The following TNRC18 variants were observed in gnomAD, a reference collection of about 807,000 sequenced individuals.
TNRC18 encodes the protein trinucleotide repeat containing 18, also known as trinucleotide repeat-containing gene 18 protein.
Under a neutral mutation model 226.7 loss-of-function variants are expected in TNRC18, and 69 were observed. The ratio of observed to expected loss-of-function variants is 0.30; its 90% CI spans 0.25 to 0.37. TNRC18 has a LOEUF of 0.37. Among genes scored for constraint, TNRC18 ranks in the 10% least tolerant of loss-of-function variants. TNRC18 has a pLI of 1.00. For missense variants in TNRC18, 4,754 were observed against 4,256.6 expected (o/e 1.12, Z -3.25); for synonymous variants, 2,449 against 1,927.6 (o/e 1.27, Z -7.09).
chr7:5,422,063 C>A (rs1245928311), intron 1 of TNRC18, among the ~76,000 whole-genome samples: 4 of 151,990 alleles, frequency 2.6e-5, no homozygotes, highest in Admixed American at 2.0e-4. Flanking sequence ...GGGTCCAAAG[C>A]GGGTTTATTA....
chr7:5,386,731 C>G (rs891258034), intron 5 of TNRC18, among the ~76,000 whole-genome samples: 1 of 152,102 alleles, frequency 6.6e-6, no homozygotes, highest in Non-Finnish European at 1.5e-5. Flanking sequence ...CCCTGGGTAA[C>G]AGAGCAAGAC....
At chr7:5,386,070 T>G (rs1028073422) in intron 5 of TNRC18, among the ~76,000 whole-genome samples, 2 of 150,802 alleles carry the variant, frequency 1.3e-5, no homozygotes, top group Non-Finnish European at 2.9e-5. Context: ...GTGGATCACT[T>G]GAGGTCAGGA....
chr7:5,308,001 A>C lies in TNRC18; in HGVS notation c.*105T>G, dbSNP rs1470122310. On this transcript the variant is annotated 3_prime_UTR_variant, in exon 30 of 30. Coordinates refer to ENST00000430969, the MANE Select transcript of TNRC18 (RefSeq NM_001080495.3). ...CTGGCCCCATGCACACGCCTGCAGG[A>C]GCGCTCGCATGCACACAACGCACGT... is the stretch of plus-strand genomic sequence containing the variant. The C allele has an allele frequency of 9.4e-7, 1 of 1,064,220 alleles. No individual in the cohort carries two copies. Among genetic ancestry groups the C allele is most frequent in the African/African-American group, 1.6e-5 (1 of 63,416 alleles). 65.9% of individuals were successfully genotyped at this position (1,064,220 alleles called of 1,614,324 possible). A position where few individuals can be genotyped will look rare whatever the true frequency, so the allele number is the denominator to read the frequency against.
chr7:5,310,595 C>G (rs997843306), intron 27 of TNRC18, among the ~76,000 whole-genome samples: 1 of 151,794 alleles, frequency 6.6e-6, no homozygotes, highest in African/African-American at 2.4e-5. Flanking sequence ...AGTGTAGTGG[C>G]ACAATCACAG....
At chr7:5,317,205 C>T (rs1221716083) in intron 24 of TNRC18, among the ~76,000 whole-genome samples, 2 of 152,002 alleles carry the variant, frequency 1.3e-5, no homozygotes, top group African/African-American at 4.8e-5. Flanking sequence ...CATTCAGGGT[C>T]CCCAGACGCC....
At position 5,377,296 on chromosome 7, in the gene TNRC18, T is replaced by C; in HGVS notation, c.2461+75A>G. Reference sequence around the variant, plus strand: ...GGAAACGGCAGGCAGGAGCCAGCCCTGAGCTCTTGTCCTGCACCCGCCCCC... The same window carrying C: ...GGAAACGGCAGGCAGGAGCCAGCCCCGAGCTCTTGTCCTGCACCCGCCCCC... On this transcript the variant is annotated intron_variant, in intron 7 of 29. Coordinates refer to ENST00000430969, the MANE Select transcript of TNRC18 (RefSeq NM_001080495.3). This position sits in a 1 kb window ranked among gnomAD's most constrained non-coding sequence, Gnocchi z 5.8. 1 of 1,402,130 alleles carries C rather than the reference T, an allele frequency of 7.1e-7. No homozygotes were observed. Among genetic ancestry groups the C allele is most frequent in the Non-Finnish European group, 9.5e-7 (1 of 1,053,514 alleles). 86.9% of individuals were successfully genotyped at this position (1,402,130 alleles called of 1,614,324 possible). A position where few individuals can be genotyped will look rare whatever the true frequency, so the allele number is the denominator to read the frequency against.
intron 18 of TNRC18, among the ~76,000 whole-genome samples, chr7:5,335,324 A>AAAAC (rs35906322): frequency 7.3e-6 from 1 of 136,886 alleles, no homozygotes; most frequent in Non-Finnish European, 1.6e-5. Context: ...AAAAAAAAAA[A>AAAAC]TTTGGCCAGG....
At chr7:5,362,066 G>A (rs1387829787) in intron 12 of TNRC18, 33 bp from the exon 13 acceptor site, 4 of 1,606,932 alleles carry the variant, frequency 2.5e-6, no homozygotes, top group Admixed American at 3.4e-5. Flanking sequence ...AGGAGGGGGT[G>A]AGGATGCCAC....
intron 11 of TNRC18, 86 bp from the exon 12 acceptor site, chr7:5,362,911 G>A: frequency 1.5e-6 from 2 of 1,361,986 alleles, no homozygotes; most frequent in Non-Finnish European, 1.9e-6. Flanking sequence ...AGCAAGCGCA[G>A]GCCCCAGGCC....
intron 19 of TNRC18, among the ~76,000 whole-genome samples, chr7:5,327,827 G>C (rs1403384653): frequency 6.6e-6 from 1 of 152,122 alleles, no homozygotes; most frequent in African/African-American, 2.4e-5. Flanking sequence ...TGCCTGCTTT[G>C]GTAACTATGA....
rs1779315644 is a variant in TNRC18, at chr7:5,380,378, G to A, written c.2153-2354C>T. Among the ~76,000 whole-genome samples the A allele has an allele frequency of 3.3e-5, 5 of 152,208 alleles. No individual in the cohort carries two copies. The South Asian group carries it at 1.0e-3, about 32-fold the overall frequency. On this transcript the variant is annotated intron_variant, in intron 5 of 29. Transcript: ENST00000430969. ...GGAGGATGGCTTGAGCCCAGGAGGT[G>A]GAGACTGCAGTGAGCTGTGATTACA...
At chr7:5,326,876 G>C (rs1277407805) in intron 19 of TNRC18, among the ~76,000 whole-genome samples, 6 of 151,122 alleles carry the variant, frequency 4.0e-5, no homozygotes, top group Non-Finnish European at 7.4e-5. Context: ...TGTAATCCCA[G>C]CACTTTGGGA....
Position 5,307,946 on chromosome 7 carries a change from A to G in TNRC18, c.*160T>C. 3.1e-6 allele frequency: 2 copies of G among 655,088 alleles called. No individual in the cohort carries two copies. The highest frequency in any genetic ancestry group is 3.7e-5 in the South Asian group (2 of 53,886). 40.6% of individuals were successfully genotyped at this position (655,088 alleles called of 1,614,324 possible). ...CATGCGTGCACACACGTGCATGCAC[A>G]CACACTCACCCGGGCATCCACGTGC... On this transcript the variant is annotated 3_prime_UTR_variant, in exon 30 of 30. Coordinates refer to ENST00000430969, the MANE Select transcript of TNRC18 (RefSeq NM_001080495.3).
At chr7:5,396,073 A>C (rs1780664135) in intron 2 of TNRC18, among the ~76,000 whole-genome samples, 1 of 147,802 alleles carries the variant, frequency 6.8e-6, no homozygotes, top group Admixed American at 6.8e-5. Flanking sequence ...CGGGAGGCTG[A>C]GGCAGGAGAA....
Position 5,374,050 on chromosome 7 carries a change from C to T in TNRC18, c.3229+5G>A, listed in dbSNP as rs775450123. 1 of 1,549,978 alleles carries T rather than the reference C, an allele frequency of 6.5e-7. No individual in the cohort carries two copies. Among genetic ancestry groups the T allele is most frequent in the Non-Finnish European group, 8.7e-7 (1 of 1,154,082 alleles). On this transcript the variant is annotated splice_donor_5th_base_variant and intron_variant, in intron 10 of 29. Coordinates refer to ENST00000430969, the MANE Select transcript of TNRC18 (RefSeq NM_001080495.3). Reference sequence around the variant, plus strand: ...GAGACCCTGAGGGTCTCAGCTGCATCCTACCTGAGAACAGGGCCTGGAAGG... The same window carrying T: ...GAGACCCTGAGGGTCTCAGCTGCATTCTACCTGAGAACAGGGCCTGGAAGG...
At chr7:5,374,748 T>C (rs1794485784) in intron 9 of TNRC18, among the ~76,000 whole-genome samples, 1 of 152,180 alleles carries the variant, frequency 6.6e-6, no homozygotes, top group Non-Finnish European at 1.5e-5. Context: ...CCAGGGCTGA[T>C]GGGGGACCTC....
At chr7:5,342,894 G>A (rs866175320) in intron 18 of TNRC18, among the ~76,000 whole-genome samples, 7 of 152,126 alleles carry the variant, frequency 4.6e-5, no homozygotes, top group South Asian at 2.1e-4. Flanking sequence ...AATTGCCACA[G>A]CCACCCCAAC....
intron 18 of TNRC18, among the ~76,000 whole-genome samples, chr7:5,340,834 G>A (rs148764414): frequency 3.9e-5 from 6 of 152,190 alleles, no homozygotes; most frequent in East Asian, 3.9e-4. Context: ...AAGCTGCAGC[G>A]AGTTCTCCAG....
chr7:5,351,259 G>GT, intron 17 of TNRC18, among the ~76,000 whole-genome samples: 1 of 152,006 alleles, frequency 6.6e-6, no homozygotes, highest in Admixed American at 6.6e-5. Flanking sequence ...GTCTAGTAAG[G>GT]ACACAGCAAG....
Sources: allele counts gnomAD v4.1 joint callset (sites outside exome capture counted in the v4.1 genomes callset), GRCh38; gene constraint gnomAD v4.1.1; non-coding constraint Gnocchi (gnomAD v3.1); transcripts MANE v1.5; gene names NCBI Gene and HGNC (gene_info 2026-07-23, HGNC 2026-07-21).